Variants in PCMTD1 observed in about 807,000 individuals in gnomAD.
PCMTD1 encodes the protein protein-L-isoaspartate O-methyltransferase domain-containing protein 1.
Under a neutral mutation model 37.6 loss-of-function variants are expected in PCMTD1, and 12 were observed. The ratio of observed to expected loss-of-function variants is 0.32; its 90% CI spans 0.20 to 0.52. PCMTD1 has a LOEUF of 0.52. PCMTD1 is among the 20% of genes least tolerant of loss of function. The pLI is 0.97. For synonymous variants in PCMTD1, 117 were observed against 135.8 expected, an observed-to-expected ratio of 0.86 and a Z score of 0.96; for missense variants, 235 against 421.3, an observed-to-expected ratio of 0.56 and a Z score of 3.87.
chr8:51,880,453 C>T (rs1273846676), intron 1 of PCMTD1, among the ~76,000 whole-genome samples: 2 of 152,070 alleles, frequency 1.3e-5, no homozygotes, highest in Admixed American at 1.3e-4. Context: ...TAATAATAAT[C>T]CCCCACTTCC....
chr8:51,844,720 C>T (rs2038194358), intron 3 of PCMTD1: 1 of 152,220 alleles, frequency 6.6e-6, no homozygotes, highest in Admixed American at 6.5e-5. Flanking sequence ...AGCTTCTTCT[C>T]TCTGGTGGTG....
At chr8:51,865,650 T>A (rs541074035) in intron 1 of PCMTD1, among the ~76,000 whole-genome samples, 9 of 151,942 alleles carry the variant, frequency 5.9e-5, no homozygotes, top group Admixed American at 2.0e-4. Flanking sequence ...AAACTCCCAA[T>A]AAATTAGACA....
Position 51,896,393 on chromosome 8 carries a change from T to C in PCMTD1, c.-96+2537A>G, listed in dbSNP as rs911971090. On this transcript the variant is annotated intron_variant, in intron 1 of 5. Transcript: ENST00000522514. ...AAATACCAATAATTACATAAGTAAA[T>C]TTTAATCCTTTTAGACTTTTTTAGG... 3.3e-5 allele frequency: 5 copies of C among 152,322 alleles called. No homozygotes were observed. The East Asian group carries it at 7.7e-4, about 23-fold the overall frequency. 9.4% of individuals were successfully genotyped at this position (152,322 alleles called of 1,614,324 possible).
chr8:51,869,067 T>A (rs969538434), intron 1 of PCMTD1, among the ~76,000 whole-genome samples: 18 of 104,192 alleles, frequency 1.7e-4, no homozygotes, highest in African/African-American at 4.5e-4. Context: ...TGTAACCAAT[T>A]CCCCCAATGT....
At chr8:51,888,042 C>G (rs1395291640) in intron 1 of PCMTD1, among the ~76,000 whole-genome samples, 1 of 152,136 alleles carries the variant, frequency 6.6e-6, no homozygotes, top group East Asian at 1.9e-4. Context: ...CGTGCCCGGC[C>G]AAGTTTTCAT....
chr8:51,861,706 G>A (rs985763149), intron 1 of PCMTD1, among the ~76,000 whole-genome samples: 2 of 145,702 alleles, frequency 1.4e-5, no homozygotes, highest in African/African-American at 5.4e-5. Context: ...TTTAGAGTCA[G>A]AAACCATGTT....
intron 3 of PCMTD1, among the ~76,000 whole-genome samples, chr8:51,842,196 T>C (rs576909525): frequency 4.5e-4 from 69 of 152,334 alleles, no homozygotes; most frequent in African/African-American, 1.6e-3. Context: ...TCTAGTGCTA[T>C]GTACTCTCCA....
At chr8:51,863,037 T>TTC (rs1359371848) in intron 1 of PCMTD1, among the ~76,000 whole-genome samples, 14 of 151,984 alleles carry the variant, frequency 9.2e-5, no homozygotes, top group Admixed American at 9.2e-4. Flanking sequence ...CTTTTTTTTT[T>TTC]TTTAATAACA....
chr8:51,842,512 C>T (rs974625495), intron 3 of PCMTD1, among the ~76,000 whole-genome samples: 1 of 149,578 alleles, frequency 6.7e-6, no homozygotes, highest in Non-Finnish European at 1.5e-5. Flanking sequence ...TTTGTAGAGA[C>T]AGGGTTTTGC....
At chr8:51,896,873 C>T (rs925986206) in intron 1 of PCMTD1, among the ~76,000 whole-genome samples, 4 of 120,506 alleles carry the variant, frequency 3.3e-5, no homozygotes, top group East Asian at 4.5e-4. Flanking sequence ...AATATAAACA[C>T]GCACTATTAC....
At chr8:51,870,513 G>A (rs779880747) in intron 1 of PCMTD1, 2 of 152,210 alleles carry the variant, frequency 1.3e-5, no homozygotes, top group Non-Finnish European at 2.9e-5. Flanking sequence ...TATATTCAAT[G>A]ATGAATACAA....
At chr8:51,873,865 T>C (rs985522253) in intron 1 of PCMTD1, among the ~76,000 whole-genome samples, 20 of 152,108 alleles carry the variant, frequency 1.3e-4, no homozygotes, top group Non-Finnish European at 5.9e-5. Context: ...ACAAGCCTAT[T>C]TTCTTTAAAA....
Position 51,855,182 on chromosome 8 carries a change from A to C in PCMTD1, c.307+5663T>G, listed in dbSNP as rs199892921. ...AGAGTGAAACTCCATCTCAAAAAAAAAAAAAAACAAACAAAAAAAAAACAT... is the reference window on the plus strand; with the variant it reads ...AGAGTGAAACTCCATCTCAAAAAAACAAAAAAACAAACAAAAAAAAAACAT... On this transcript the variant is annotated intron_variant, in intron 2 of 5. Transcript: ENST00000522514. Among the ~76,000 whole-genome samples the C allele has an allele frequency of 2.6e-3, 384 of 148,248 alleles. 4 individuals are homozygous for C. Among genetic ancestry groups the C allele is most frequent in the East Asian group, 0.021 (103 of 4,886 alleles).
intron 3 of PCMTD1, chr8:51,839,671 T>C (rs1333308769): frequency 2.1e-6 from 2 of 951,080 alleles, no homozygotes; most frequent in South Asian, 4.8e-5. Flanking sequence ...TCCCCTTCAA[T>C]ACACTGTTGA....
Position 51,883,499 on chromosome 8 carries a change from CTTAA to C in PCMTD1, c.-96+15427_-96+15430del, listed in dbSNP as rs1277307740. Among the ~76,000 whole-genome samples the C allele has an allele frequency of 3.9e-5, 6 of 152,206 alleles. No homozygotes were observed. In the South Asian group the frequency reaches 6.2e-4, roughly 16 times the overall value. ...GCAAAGAAATTCAACAGATTTTCTT[CTTAA>C]TTATTAATGCAATATTAAACCACAG... On this transcript the variant is annotated intron_variant, in intron 1 of 5. Transcript: ENST00000522514.
At chr8:51,845,473 T>A (rs1375239557) in intron 3 of PCMTD1, 188 bp downstream of exon 3, 1 of 437,952 alleles carries the variant, frequency 2.3e-6, no homozygotes, top group Non-Finnish European at 4.1e-6. Context: ...TATTTATAAT[T>A]TACTATAGAA....
At chr8:51,859,612 G>C (rs1009828101) in intron 2 of PCMTD1, among the ~76,000 whole-genome samples, 1 of 152,020 alleles carries the variant, frequency 6.6e-6, no homozygotes, top group Non-Finnish European at 1.5e-5. Context: ...TTTCAGACCT[G>C]ACTATACCTT....
At chr8:51,897,201 T>C (rs1422102440) in intron 1 of PCMTD1, among the ~76,000 whole-genome samples, 1 of 152,184 alleles carries the variant, frequency 6.6e-6, no homozygotes, top group East Asian at 1.9e-4. Context: ...TTTTAATAAA[T>C]ACAAGCTAGT....
intron 2 of PCMTD1, among the ~76,000 whole-genome samples, chr8:51,855,695 C>T (rs777594593): frequency 1.6e-4 from 24 of 151,914 alleles, no homozygotes; most frequent in East Asian, 5.9e-4. Flanking sequence ...GACAGAGTCT[C>T]GCCCTGTCGC....
Sources: gnomAD v4.1 joint callset for allele counts (sites outside exome capture counted in the v4.1 genomes callset) on GRCh38, gnomAD v4.1.1 for gene constraint, MANE v1.5 for transcripts, NCBI Gene and HGNC (gene_info 2026-07-23, HGNC 2026-07-21) for gene names.